F13B: variants seen among roughly 807,000 people sequenced by gnomAD.
F13B encodes TGase.
A neutral mutation model predicts 79.8 loss-of-function variants in F13B; 58 were observed. That is an observed-to-expected ratio of 0.73 (90% CI 0.59 to 0.90). F13B has a LOEUF of 0.90. Ranked by LOEUF, F13B falls within the 40% of genes least tolerant of loss-of-function variation. The probability of loss-of-function intolerance (pLI) is 0.00; values close to 1 mark genes in which losing one functional copy is unlikely to be tolerated. For missense variants in F13B, 773 were observed against 777.0 expected, an observed-to-expected ratio of 0.99 and a Z score of 0.06; for synonymous variants, 283 against 260.3, an observed-to-expected ratio of 1.09 and a Z score of -0.84.
intron 3 of F13B, 52 bp from the exon 4 acceptor site, chr1:197,061,127 A>AT: frequency 1.1e-6 from 1 of 916,976 alleles, no homozygotes; most frequent in Non-Finnish European, 1.6e-6. Flanking sequence ...AACCTAGATT[A>AT]TAAAAAATCT....
chr1:197,062,498 T>C (rs942518499), intron 2 of F13B, among the ~76,000 whole-genome samples: 3 of 152,166 alleles, frequency 2.0e-5, no homozygotes, highest in African/African-American at 7.2e-5. Context: ...ATCTTGCCCT[T>C]CCAGAGGCCA....
At chr1:197,052,573 T>C in intron 9 of F13B, 61 bp downstream of exon 9, 1 of 1,114,582 alleles carries the variant, frequency 9.0e-7, no homozygotes, top group East Asian at 2.4e-5. Context: ...AAATAAATTT[T>C]CAACCGAGGT....
intron 1 of F13B, among the ~76,000 whole-genome samples, chr1:197,066,692 T>C (rs1023019675): frequency 6.6e-6 from 1 of 152,212 alleles, no homozygotes; most frequent in Non-Finnish European, 1.5e-5. Context: ...TAATTCATTG[T>C]GATAAAAATC....
intron 5 of F13B, 120 bp downstream of exon 5, chr1:197,060,246 A>C (rs1237926595): frequency 1.5e-5 from 10 of 646,626 alleles, no homozygotes; most frequent in Admixed American, 2.8e-5. Context: ...GATAATATTT[A>C]TTTTAAAAAT....
In F13B at chr1:197,047,683, A is replaced by C. The variant is rs2125059474; in HGVS notation, c.1738+3014T>G. ...TATAAGTCATTCTGCTATAAAGACAAATGCACAGATATGTTTTTTGCAGAA... is the reference window on the plus strand; with the variant it reads ...TATAAGTCATTCTGCTATAAAGACACATGCACAGATATGTTTTTTGCAGAA... On this transcript the variant is annotated intron_variant, in intron 10 of 11. Coordinates refer to ENST00000367412, the MANE Select transcript of F13B (RefSeq NM_001994.3). Among the ~76,000 whole-genome samples, 3 of 152,262 alleles carry C rather than the reference A, an allele frequency of 2.0e-5. No individual in the cohort carries two copies. The South Asian group carries it at 6.2e-4, about 32-fold the overall frequency.
At chr1:197,046,368 TA>T (rs1655230204) in intron 10 of F13B, among the ~76,000 whole-genome samples, 1 of 152,006 alleles carries the variant, frequency 6.6e-6, no homozygotes, top group African/African-American at 2.4e-5. Context: ...TATACATCAA[TA>T]ATAGACAAAC....
At chr1:197,045,240 TA>T (rs1185360190) in intron 10 of F13B, among the ~76,000 whole-genome samples, 1 of 151,290 alleles carries the variant, frequency 6.6e-6, no homozygotes, top group Non-Finnish European at 1.5e-5. Context: ...TTAAAAAAGA[TA>T]AACAAACTAC....
rs779600903 is a variant in F13B at position 197,061,865 on chromosome 1, T to C, written c.370A>G (p.Thr124Ala). 8.7e-6 allele frequency: 14 copies of C among 1,613,236 alleles called. No individual in the cohort carries two copies. The South Asian group carries it at 1.2e-4, about 14-fold the overall frequency. Reference protein sequence around the residue: ...MRYGCASGYKTTGGKDEEVVQ... With the variant: ...MRYGCASGYKATGGKDEEVVQ... ...ACTTCTTCATCCTTCCCTCCAGTGG[T>C]TTTGTACCCTGAAGCGCAACCATAA... The change falls in exon 3 of 12, where the codon ACC becomes GCC. Residue 124 changes from threonine (T) to alanine (A), a missense_variant. Coordinates refer to ENST00000367412, the MANE Select transcript of F13B (RefSeq NM_001994.3).
intron 11 of F13B, 89 bp downstream of exon 11, chr1:197,040,433 A>G: frequency 5.8e-6 from 5 of 859,664 alleles, no homozygotes; most frequent in Non-Finnish European, 1.9e-6. Flanking sequence ...GCCATAAAGT[A>G]TGAGTGGTAT....
chr1:197,052,754 CA>C lies in F13B; in HGVS notation c.1434del (p.His478GlnfsTer4). The C allele has an allele frequency of 6.2e-7, 1 of 1,611,074 alleles. No individual in the cohort carries two copies. Among genetic ancestry groups the C allele is most frequent in the Non-Finnish European group, 8.5e-7 (1 of 1,178,352 alleles). On this transcript the variant is annotated frameshift_variant, in exon 9 of 12. Coordinates refer to ENST00000367412, the MANE Select transcript of F13B (RefSeq NM_001994.3). LOFTEE classifies it high-confidence loss of function. ...TTACATACAAAATCTATTAAATCTCCATGTAAGACTTTCCCTTCATATTTCC... is the reference window on the plus strand; with the variant it reads ...TTACATACAAAATCTATTAAATCTCCTGTAAGACTTTCCCTTCATATTTCC... ...MKWKYEGKVL[H>X]GDLIDFVCKQ...
At chr1:197,042,046 T>C (rs1438403026) in intron 10 of F13B, among the ~76,000 whole-genome samples, 8 of 152,206 alleles carry the variant, frequency 5.3e-5, no homozygotes, top group Admixed American at 5.2e-4. Context: ...AATTTAAAAT[T>C]TATAAGTTGT....
At chr1:197,044,223 T>C (rs1236111322) in intron 10 of F13B, among the ~76,000 whole-genome samples, 1 of 151,940 alleles carries the variant, frequency 6.6e-6, no homozygotes, top group Admixed American at 6.6e-5. Flanking sequence ...GGAGATACCC[T>C]CCCTTGCCTG....
chr1:197,065,546 G>C (rs1252487112), intron 1 of F13B, among the ~76,000 whole-genome samples: 2 of 152,134 alleles, frequency 1.3e-5, no homozygotes, highest in African/African-American at 4.8e-5. Flanking sequence ...GTGTTGGTGA[G>C]AATGATGAGG....
chr1:197,051,442 A>G (rs908103930), intron 9 of F13B, among the ~76,000 whole-genome samples: 1 of 152,014 alleles, frequency 6.6e-6, no homozygotes, highest in African/African-American at 2.4e-5. Flanking sequence ...TTTCTTCCTT[A>G]TTAAAAGTAA....
chr1:197,062,655 T>C (rs1163964342), intron 2 of F13B, among the ~76,000 whole-genome samples: 1 of 152,152 alleles, frequency 6.6e-6, no homozygotes, highest in African/African-American at 2.4e-5. Context: ...TAAAAACAGA[T>C]ACAGAAAATA....
Position 197,060,545 on chromosome 1 carries a change from G to A in F13B, c.629-3C>T. The A allele has an allele frequency of 6.5e-7, 1 of 1,547,216 alleles. No homozygotes were observed. Among genetic ancestry groups the A allele is most frequent in the African/African-American group, 1.4e-5 (1 of 73,210 alleles). On this transcript the variant is annotated splice_polypyrimidine_tract_variant and splice_region_variant and intron_variant, in intron 4 of 11. Coordinates refer to ENST00000367412, the MANE Select transcript of F13B (RefSeq NM_001994.3). ...TCTTAAAGAAGAGCACTTTAATTCT[G>A]CAAATAAAAGAATGAATAAAATTAC...
Position 197,061,928 on chromosome 1 carries a change from C to T in F13B, c.307G>A (p.Asp103Asn), listed in dbSNP as rs1558312130. 1 of 1,612,874 alleles carries T rather than the reference C, an allele frequency of 6.2e-7. No homozygotes were observed. Among genetic ancestry groups the T allele is most frequent in the Non-Finnish European group, 8.5e-7 (1 of 1,179,354 alleles). The part of the protein sequence containing the change: ...KPDLSNGYIS[D>N]VKLLYKIQEN... ...TGAATTTTATACAATAACTTTACAT[C>T]AGAGATGTAACCATTACTCAGGTCA... The change falls in exon 3 of 12, where the codon GAT becomes AAT. Residue 103 changes from aspartate (D) to asparagine (N), a missense_variant. Transcript: ENST00000367412.
chr1:197,048,524 T>A (rs1240828257), intron 10 of F13B, among the ~76,000 whole-genome samples: 1 of 152,128 alleles, frequency 6.6e-6, no homozygotes, highest in East Asian at 1.9e-4. Context: ...AGCATTACTA[T>A]ATATGAAGGA....
chr1:197,050,989 T>TTGCAGTGA, intron 9 of F13B, 110 bp from the exon 10 acceptor site: 1 of 929,778 alleles, frequency 1.1e-6, no homozygotes, highest in Non-Finnish European at 1.7e-6. Flanking sequence ...TGGAGTATGG[T>TTGCAGTGA]GGCATGATCA....
Sources: allele counts gnomAD v4.1 joint callset (sites outside exome capture counted in the v4.1 genomes callset), GRCh38; gene constraint gnomAD v4.1.1; transcripts MANE v1.5; gene names NCBI Gene and HGNC (gene_info 2026-07-23, HGNC 2026-07-21).